NAA35: variants seen among roughly 807,000 people sequenced by gnomAD.
NAA35 encodes N-alpha-acetyltransferase 35, NatC auxiliary subunit, also known as MAK10 homolog, amino-acid N-acetyltransferase subunit.
Under a neutral mutation model 101.7 loss-of-function variants are expected in NAA35, and 18 were observed. The ratio of observed to expected loss-of-function variants is 0.18; its 90% CI spans 0.12 to 0.26. The LOEUF (loss-of-function observed/expected upper bound fraction) is 0.26. Ranked by LOEUF, NAA35 falls within the 10% of genes least tolerant of loss-of-function variation. The pLI is 1.00. For synonymous variants in NAA35, 267 were observed against 273.1 expected (o/e 0.98, Z 0.22); for missense variants, 601 against 886.8 (o/e 0.68, Z 4.09).
At chr9:85,945,032 C>T (rs1308340677) in intron 2 of NAA35, among the ~76,000 whole-genome samples, 1 of 152,094 alleles carries the variant, frequency 6.6e-6, no homozygotes, top group Non-Finnish European at 1.5e-5. Flanking sequence ...AAATTGAACC[C>T]AAGAAAGCAG....
chr9:85,996,608 C>G, intron 12 of NAA35, 31 bp downstream of exon 12: 1 of 1,466,574 alleles, frequency 6.8e-7, no homozygotes, highest in Non-Finnish European at 9.1e-7. Flanking sequence ...CAGAATGTAA[C>G]TTCCATTTAA....
Position 86,023,388 on chromosome 9 carries a change from G to A in NAA35, c.*1428G>A, listed in dbSNP as rs1328347825. 6.6e-6 allele frequency among the ~76,000 whole-genome samples: 1 copy of A among 152,058 alleles called. No homozygotes were observed. The highest frequency in any genetic ancestry group is 1.9e-4 in the East Asian group (1 of 5,182). ...TACTGAATGCTTTAAACAAAAAAAG[G>A]CAAAGGAATGGTAGGAAATAGGCAA... is the stretch of plus-strand genomic sequence containing the variant. On this transcript the variant is annotated 3_prime_UTR_variant, in exon 23 of 23. Transcript: ENST00000361671.
intron 2 of NAA35, among the ~76,000 whole-genome samples, chr9:85,955,339 T>C (rs922788572): frequency 2.7e-5 from 2 of 75,046 alleles, no homozygotes; most frequent in African/African-American, 1.1e-4. Flanking sequence ...TATATATATA[T>C]ATATATATAT....
At chr9:86,004,991 G>T (rs921784098) in intron 13 of NAA35, among the ~76,000 whole-genome samples, 2 of 152,172 alleles carry the variant, frequency 1.3e-5, no homozygotes, top group Non-Finnish European at 2.9e-5. Context: ...ATATGAGCCA[G>T]AATTTACTCT....
At chr9:85,991,458 G>C (rs76521783) in intron 11 of NAA35, among the ~76,000 whole-genome samples, 1 of 152,090 alleles carries the variant, frequency 6.6e-6, no homozygotes, top group Non-Finnish European at 1.5e-5. Context: ...GATCATAAGT[G>C]GGGGGAAGAG....
At chr9:85,968,965 C>T (rs541367355) in intron 6 of NAA35, among the ~76,000 whole-genome samples, 1 of 151,986 alleles carries the variant, frequency 6.6e-6, no homozygotes, top group Non-Finnish European at 1.5e-5. Context: ...TGTACTTCTC[C>T]CCAGTTCTTT....
chr9:85,973,229 C>G (rs75340473), intron 6 of NAA35, among the ~76,000 whole-genome samples: 2,413 of 152,244 alleles, frequency 0.016, 56 homozygotes, highest in African/African-American at 0.053. Context: ...GCGAGGGAGA[C>G]CGGGCCATGT....
In NAA35 at chr9:85,977,387, A is replaced by G. The variant is rs1249457935; in HGVS notation, c.703A>G (p.Ser235Gly). The G allele has an allele frequency of 2.5e-6, 4 of 1,612,466 alleles. No homozygotes were observed. In the South Asian group the frequency reaches 4.4e-5, roughly 18 times the overall value. Residue 235 changes from serine to glycine, a missense_variant, in exon 10 of 23, where the codon AGC becomes GGC. Physicochemically the swap from Ser to Gly is moderately conservative, Grantham distance 56. This residue lies in a region of NAA35 where 86 missense variants were observed against 169.4 expected (regional missense o/e 0.51). Transcript: ENST00000361671. ...GCACCAACAATGTTTAGCAGTATTCAGCAGAGTGAAATTTACTCGTGTGTT... is the reference window on the plus strand; with the variant it reads ...GCACCAACAATGTTTAGCAGTATTCGGCAGAGTGAAATTTACTCGTGTGTT... The part of the protein sequence containing the change: ...LEHQQCLAVF[S>G]RVKFTRVLLT...
chr9:85,983,223 A>G (rs1830504406), intron 11 of NAA35, among the ~76,000 whole-genome samples: 1 of 152,180 alleles, frequency 6.6e-6, no homozygotes, highest in South Asian at 2.1e-4. Context: ...AGTAGTCATT[A>G]TTGTGACCTA....
chr9:85,956,094 A>C (rs1271319350), intron 2 of NAA35, among the ~76,000 whole-genome samples: 1 of 152,140 alleles, frequency 6.6e-6, no homozygotes, highest in African/African-American at 2.4e-5. Context: ...TTCTGATTGG[A>C]ATATTATGGC....
chr9:85,948,073 T>C (rs1360961002), intron 2 of NAA35, among the ~76,000 whole-genome samples: 1 of 152,200 alleles, frequency 6.6e-6, no homozygotes, highest in South Asian at 2.1e-4. Flanking sequence ...TATTTTGATA[T>C]TTATTTTGCT....
intron 11 of NAA35, among the ~76,000 whole-genome samples, chr9:85,981,237 A>G (rs1830426243): frequency 6.6e-6 from 1 of 152,190 alleles, no homozygotes; most frequent in African/African-American, 2.4e-5. Flanking sequence ...TATGCATAGC[A>G]ACGTAGTAGT....
At position 85,942,207 on chromosome 9, in the gene NAA35, C is replaced by T; in HGVS notation, c.48C>T (p.Leu16=). 1 of 1,614,094 alleles carries T rather than the reference C, an allele frequency of 6.2e-7. No homozygotes were observed. Among genetic ancestry groups the T allele is most frequent in the Admixed American group, 1.7e-5 (1 of 60,024 alleles). The change falls in exon 2 of 23, where the codon CTC becomes CTT. Residue 16 remains leucine, a synonymous_variant. Transcript: ENST00000361671. ...SVDDDDSGWE[L]SMPEKMEKSN... Reference sequence around the variant, plus strand: ...ATGATGACGATTCAGGATGGGAGCTCAGTATGCCAGAAAAAATGGAGAAAA... The same window carrying T: ...ATGATGACGATTCAGGATGGGAGCTTAGTATGCCAGAAAAAATGGAGAAAA...
At chr9:85,966,750 C>A in intron 6 of NAA35, 1 of 562,424 alleles carries the variant, frequency 1.8e-6, no homozygotes, top group Non-Finnish European at 2.8e-6. Flanking sequence ...ATGTGTATAT[C>A]AAGAATCTTA....
At chr9:86,006,425 A>G (rs1831645634) in intron 13 of NAA35, among the ~76,000 whole-genome samples, 1 of 152,194 alleles carries the variant, frequency 6.6e-6, no homozygotes, top group African/African-American at 2.4e-5. Context: ...GTCAGTGGAT[A>G]AACATACTGT....
intron 2 of NAA35, among the ~76,000 whole-genome samples, chr9:85,942,979 A>G (rs1190196731): frequency 1.3e-5 from 2 of 152,040 alleles, no homozygotes; most frequent in African/African-American, 2.4e-5. Flanking sequence ...TATTTTCTTC[A>G]TACAGCTTAT....
chr9:85,980,200 C>T (rs1830378998), intron 11 of NAA35, among the ~76,000 whole-genome samples: 1 of 152,188 alleles, frequency 6.6e-6, no homozygotes, highest in Non-Finnish European at 1.5e-5. Context: ...GTACTATCTC[C>T]TAGGAACCTC....
At chr9:85,960,266 A>G (rs1829458502) in intron 5 of NAA35, among the ~76,000 whole-genome samples, 1 of 152,192 alleles carries the variant, frequency 6.6e-6, no homozygotes, top group African/African-American at 2.4e-5. Flanking sequence ...TAAACTGGCC[A>G]TCTCCTGTGA....
rs1377650920 is a variant in NAA35 at position 85,954,473 on chromosome 9, T to G, written c.125-1887T>G. Among the ~76,000 whole-genome samples, 3 of 152,236 alleles carry G rather than the reference T, an allele frequency of 2.0e-5. No homozygotes were observed. In the East Asian group the frequency reaches 5.8e-4, roughly 29 times the overall value. ...ACCAGCAGTGCACAAGGGTTTCAGT[T>G]TCTCCACATCCTCATAACACTTATT... On this transcript the variant is annotated intron_variant, in intron 2 of 22. Coordinates refer to ENST00000361671, the MANE Select transcript of NAA35 (RefSeq NM_024635.4).
Sources: allele counts gnomAD v4.1 joint callset (sites outside exome capture counted in the v4.1 genomes callset), GRCh38; gene constraint gnomAD v4.1.1; regional missense constraint gnomAD v4.1.1; transcripts MANE v1.5; gene names NCBI Gene and HGNC (gene_info 2026-07-23, HGNC 2026-07-21).